SMCHD1: variants seen among roughly 807,000 people sequenced by gnomAD.
The protein encoded by SMCHD1 is structural maintenance of chromosomes flexible hinge domain containing 1.
A neutral mutation model predicts 254.7 loss-of-function variants in SMCHD1; 78 were observed. The observed-to-expected ratio is 0.31, with a 90% CI of 0.26 to 0.37. The LOEUF (loss-of-function observed/expected upper bound fraction) is 0.37. Among genes scored for constraint, SMCHD1 ranks in the 10% least tolerant of loss-of-function variants. SMCHD1 has a pLI of 1.00. For missense variants in SMCHD1, 1,840 were observed against 2,408.1 expected, an observed-to-expected ratio of 0.76 and a Z score of 4.94; for synonymous variants, 766 against 794.9, an observed-to-expected ratio of 0.96 and a Z score of 0.61.
intron 17 of SMCHD1, among the ~76,000 whole-genome samples, chr18:2,712,721 A>G (rs1020853993): frequency 2.0e-5 from 3 of 152,188 alleles, no homozygotes; most frequent in Non-Finnish European, 4.4e-5. Flanking sequence ...TAGCTGCCTC[A>G]ATGAAAAGTC....
intron 24 of SMCHD1, among the ~76,000 whole-genome samples, chr18:2,730,857 G>T (rs532344940): frequency 3.3e-5 from 5 of 152,154 alleles, no homozygotes; most frequent in African/African-American, 9.7e-5. Flanking sequence ...TAAGCTTAAA[G>T]TATTTTTTAT....
At chr18:2,739,817 A>T (rs2075314745) in intron 27 of SMCHD1, among the ~76,000 whole-genome samples, 2 of 152,262 alleles carry the variant, frequency 1.3e-5, no homozygotes, top group South Asian at 4.1e-4. Flanking sequence ...TTGGCATGGT[A>T]CACATGCCTG....
rs868659855 is a variant in SMCHD1 at position 2,763,656 on chromosome 18, C to A, written c.4586C>A (p.Thr1529Asn). The A allele has an allele frequency of 6.3e-7, 1 of 1,577,592 alleles. No individual in the cohort carries two copies. Among genetic ancestry groups the A allele is most frequent in the African/African-American group, 1.4e-5 (1 of 72,126 alleles). ...LSITDDYDNH[T>N]GIDLVGTIIA... Reference sequence around the variant, plus strand: ...TTTAAGGATGACTACGACAACCATACTGGAATTGATTTGGTTGGCACTATA... The same window carrying A: ...TTTAAGGATGACTACGACAACCATAATGGAATTGATTTGGTTGGCACTATA... Residue 1529 changes from threonine (T) to asparagine (N), a missense_variant, in exon 37 of 48, where the codon ACT becomes AAT. Thr to Asn is a moderately conservative substitution (Grantham distance 65). Around this residue, in one of 9 missense-constraint regions of SMCHD1, gnomAD observed 881 missense variants for 1,009.5 expected, o/e 0.87. Coordinates refer to ENST00000320876, the MANE Select transcript of SMCHD1 (RefSeq NM_015295.3).
chr18:2,781,032 A>G (rs2076149710), intron 44 of SMCHD1, among the ~76,000 whole-genome samples: 1 of 152,242 alleles, frequency 6.6e-6, no homozygotes, highest in South Asian at 2.1e-4. Context: ...TTGCAGTGAG[A>G]ACGTTTGCCA....
chr18:2,718,444 A>G lies in SMCHD1; in HGVS notation c.2458+10A>G. The G allele has an allele frequency of 6.3e-7, 1 of 1,590,300 alleles. No individual in the cohort carries two copies. Among genetic ancestry groups the G allele is most frequent in the Non-Finnish European group, 8.6e-7 (1 of 1,167,922 alleles). ...AAGTTTTCTGTTAAAGGTAAGCAAA[A>G]CAGTAATATATAATTATATATGCTA... On this transcript the variant is annotated intron_variant, in intron 19 of 47. Coordinates refer to ENST00000320876, the MANE Select transcript of SMCHD1 (RefSeq NM_015295.3). The surrounding 1 kb of genome is among the most constrained non-coding windows in gnomAD (Gnocchi z 4.6).
intron 29 of SMCHD1, among the ~76,000 whole-genome samples, chr18:2,746,371 A>G: frequency 6.6e-6 from 1 of 152,214 alleles, no homozygotes; most frequent in East Asian, 1.9e-4. Flanking sequence ...TTAAAAGTAG[A>G]TAGGAGTCCT....
intron 1 of SMCHD1, among the ~76,000 whole-genome samples, chr18:2,664,369 T>TG: frequency 6.6e-6 from 1 of 152,154 alleles, no homozygotes; most frequent in East Asian, 1.9e-4. Flanking sequence ...GTTTTTTTTT[T>TG]GTTTCCTAAT....
At position 2,718,128 on chromosome 18, in the gene SMCHD1, A is replaced by G. The variant is rs1225028574; in HGVS notation, c.2261-30A>G. The G allele has an allele frequency of 6.5e-7, 1 of 1,529,394 alleles. No individual in the cohort carries two copies. Among genetic ancestry groups the G allele is most frequent in the East Asian group, 2.3e-5 (1 of 44,292 alleles). The allele number at this position is 1,529,394 out of a possible 1,614,324, so 94.7% of individuals were successfully genotyped here. ...CATGTTTTACGTTGAATTTCTCAAG[A>G]CACTATTGTTTCTTTTTTCTTTTAT... is the stretch of plus-strand genomic sequence containing the variant. On this transcript the variant is annotated intron_variant, in intron 17 of 47. Coordinates refer to ENST00000320876, the MANE Select transcript of SMCHD1 (RefSeq NM_015295.3). The surrounding 1 kb of genome is among the most constrained non-coding windows in gnomAD (Gnocchi z 4.6).
chr18:2,726,121 T>C (rs952747538), intron 21 of SMCHD1, among the ~76,000 whole-genome samples: 3 of 152,084 alleles, frequency 2.0e-5, no homozygotes, highest in African/African-American at 7.2e-5. Context: ...TTATAATATC[T>C]ATCTTGATTA....
At chr18:2,771,727 A>G in intron 40 of SMCHD1, 109 bp downstream of exon 40, 1 of 812,642 alleles carries the variant, frequency 1.2e-6, no homozygotes, top group South Asian at 2.5e-5. Flanking sequence ...TTTAGGGTAC[A>G]AAGACGTGCA....
chr18:2,745,677 G>GA (rs2075440628), intron 29 of SMCHD1, among the ~76,000 whole-genome samples: 1 of 152,020 alleles, frequency 6.6e-6, no homozygotes, highest in South Asian at 2.1e-4. Flanking sequence ...TTTTGAGGTG[G>GA]AAAAAGTCTG....
intron 26 of SMCHD1, 37 bp downstream of exon 26, chr18:2,738,582 C>G (rs8094260): frequency 6.5e-7 from 1 of 1,546,006 alleles, no homozygotes; most frequent in African/African-American, 1.4e-5. Flanking sequence ...CCTATGGCAA[C>G]AAAATACTGT....
chr18:2,793,845 ATT>A, intron 45 of SMCHD1, among the ~76,000 whole-genome samples: 1 of 152,106 alleles, frequency 6.6e-6, no homozygotes, highest in Non-Finnish European at 1.5e-5. Flanking sequence ...TTGGTCACTC[ATT>A]CTAAGTGTAG....
rs534624160 is a variant in SMCHD1, at chr18:2,679,463, G to A, written c.638+5318G>A. ...TGCACTCCATCCAGCCTGGGTGACA[G>A]AGCGAGACTCCATCTCCAAAAAAAA... On this transcript the variant is annotated intron_variant, in intron 5 of 47. Transcript: ENST00000320876. 9.4e-4 allele frequency among the ~76,000 whole-genome samples: 81 copies of A among 86,380 alleles called. 1 individual carries two copies. In the Middle Eastern group the frequency reaches 0.043, roughly 46 times the overall value. The allele number at this position is 86,380 out of a possible 152,430, so 56.7% of individuals were successfully genotyped here. A position where few individuals can be genotyped will look rare whatever the true frequency, so the allele number is the denominator to read the frequency against.
intron 19 of SMCHD1, among the ~76,000 whole-genome samples, chr18:2,721,371 G>T (rs1249125970): frequency 6.6e-6 from 1 of 152,018 alleles, no homozygotes; most frequent in Non-Finnish European, 1.5e-5. Flanking sequence ...CCACCTTGGA[G>T]TGTGGTTTTC....
chr18:2,671,707 T>A (rs900161163), intron 3 of SMCHD1, among the ~76,000 whole-genome samples: 3 of 150,654 alleles, frequency 2.0e-5, no homozygotes, highest in Admixed American at 6.6e-5. Flanking sequence ...GCCATTCTCC[T>A]GCCTCAGTCT....
intron 5 of SMCHD1, among the ~76,000 whole-genome samples, chr18:2,677,783 C>T (rs2073786885): frequency 6.6e-6 from 1 of 152,266 alleles, no homozygotes; most frequent in South Asian, 2.1e-4. Flanking sequence ...CATGTCACCA[C>T]ACCTGGCTAA....
chr18:2,698,984 G>A (rs944499396), intron 10 of SMCHD1, among the ~76,000 whole-genome samples: 2 of 152,074 alleles, frequency 1.3e-5, no homozygotes, highest in Non-Finnish European at 2.9e-5. Flanking sequence ...TTTGGAATCA[G>A]CTTTGTACAT....
chr18:2,742,065 A>T (rs766525697), intron 28 of SMCHD1, among the ~76,000 whole-genome samples: 1 of 152,110 alleles, frequency 6.6e-6, no homozygotes, highest in African/African-American at 2.4e-5. Flanking sequence ...GTTCTACCTG[A>T]CCAAATCCAG....
Sources: gnomAD v4.1 joint callset for allele counts (sites outside exome capture counted in the v4.1 genomes callset) on GRCh38, gnomAD v4.1.1 for gene constraint, gnomAD v4.1.1 regional missense constraint, Gnocchi (gnomAD v3.1) non-coding constraint, MANE v1.5 for transcripts, NCBI Gene and HGNC (gene_info 2026-07-23, HGNC 2026-07-21) for gene names.